The following OPCML variants were observed in gnomAD, a reference collection of about 807,000 sequenced individuals.
OPCML encodes opioid-binding protein/cell adhesion molecule.
Under a neutral mutation model 37.8 loss-of-function variants are expected in OPCML, and 13 were observed. The observed-to-expected ratio is 0.34, with a 90% CI of 0.22 to 0.55. The LOEUF (loss-of-function observed/expected upper bound fraction) is 0.55. Ranked by LOEUF, OPCML falls within the 20% of genes least tolerant of loss-of-function variation. The probability of loss-of-function intolerance (pLI) is 0.91; values close to 1 mark genes in which losing one functional copy is unlikely to be tolerated. For synonymous variants in OPCML, 176 were observed against 168.8 expected (o/e 1.04, Z -0.33); for missense variants, 341 against 435.6 (o/e 0.78, Z 1.93).
chr11:133,022,275 T>C (rs1391545736), intron 1 of OPCML, among the ~76,000 whole-genome samples: 1 of 152,238 alleles, frequency 6.6e-6, no homozygotes, highest in Admixed American at 6.5e-5. Context: ...CACACTCTTG[T>C]GAAGGGAAAC....
chr11:133,423,496 T>C (rs1565626435), intron 1 of OPCML: 12 of 985,230 alleles, frequency 1.2e-5, no homozygotes, highest in East Asian at 1.1e-4. Context: ...CAAGCAGTCA[T>C]AGAAGCTCCC....
At chr11:133,106,725 T>G (rs74897524) in intron 1 of OPCML, among the ~76,000 whole-genome samples, 1 of 152,292 alleles carries the variant, frequency 6.6e-6, no homozygotes, top group East Asian at 1.9e-4. Context: ...GTCAGCTGCT[T>G]AGGATGGGGG....
chr11:133,358,516 C>T (rs996396656), intron 1 of OPCML, among the ~76,000 whole-genome samples: 6 of 152,148 alleles, frequency 3.9e-5, no homozygotes, highest in African/African-American at 1.2e-4. Flanking sequence ...ATCTATTGAG[C>T]CCCCTTTTGT....
chr11:133,327,479 T>C (rs1321511005), intron 1 of OPCML, among the ~76,000 whole-genome samples: 2 of 151,664 alleles, frequency 1.3e-5, no homozygotes, highest in African/African-American at 4.9e-5. Flanking sequence ...GACAGGGAGG[T>C]AACAGAAAAA....
chr11:133,284,116 A>C (rs988450201), intron 1 of OPCML, among the ~76,000 whole-genome samples: 3 of 152,212 alleles, frequency 2.0e-5, no homozygotes, highest in Admixed American at 2.0e-4. Context: ...AGAATATTTC[A>C]TGTCTTTATG....
chr11:132,484,155 T>C (rs2096191254), intron 4 of OPCML, among the ~76,000 whole-genome samples: 1 of 152,162 alleles, frequency 6.6e-6, no homozygotes, highest in Non-Finnish European at 1.5e-5. Flanking sequence ...AGGAAATTTT[T>C]GCAACCTACT....
intron 1 of OPCML, among the ~76,000 whole-genome samples, chr11:133,262,475 G>A (rs993561638): frequency 1.9e-4 from 29 of 152,288 alleles, no homozygotes; most frequent in African/African-American, 6.0e-4. Context: ...TTTAACTCTC[G>A]CCATGGGATG....
chr11:132,669,655 C>A (rs570815203), intron 2 of OPCML, among the ~76,000 whole-genome samples: 22 of 152,328 alleles, frequency 1.4e-4, no homozygotes, highest in Admixed American at 3.9e-4. Context: ...TCCATCGTGA[C>A]TCACTTAAAT....
At chr11:132,855,665 C>A (rs959540320) in intron 2 of OPCML, among the ~76,000 whole-genome samples, 11 of 152,320 alleles carry the variant, frequency 7.2e-5, no homozygotes, top group African/African-American at 2.6e-4. Context: ...AGGCAGCCTT[C>A]AGATGTCTGC....
chr11:133,401,980 C>T (rs1945413946), intron 1 of OPCML, among the ~76,000 whole-genome samples: 1 of 152,090 alleles, frequency 6.6e-6, no homozygotes, highest in Non-Finnish European at 1.5e-5. Flanking sequence ...ATCAACTGGG[C>T]CGCGAGCAAG....
intron 2 of OPCML, among the ~76,000 whole-genome samples, chr11:132,911,351 C>T (rs1199388499): frequency 6.6e-6 from 1 of 152,160 alleles, no homozygotes; most frequent in African/African-American, 2.4e-5. Flanking sequence ...CCCAGAATGA[C>T]CCTGCAAACA....
rs974332348 is a variant in OPCML at position 133,532,465 on chromosome 11, A to C, written c.-141T>G. On this transcript the variant is annotated 5_prime_UTR_variant, in exon 1 of 8. Coordinates refer to ENST00000524381, the MANE Select transcript of OPCML (RefSeq NM_001012393.5). ...GAGGGAGAGAGCAGAAGAGAGAGAG[A>C]GCGCGCGAGAGATGGGAGCAGGCAG... The C allele has an allele frequency of 2.8e-5, 27 of 975,390 alleles. 1 individual carries two copies. Among genetic ancestry groups the C allele is most frequent in the Middle Eastern group, 2.2e-4 (1 of 4,452 alleles). 60.4% of individuals were successfully genotyped at this position (975,390 alleles called of 1,614,324 possible). A position where few individuals can be genotyped will look rare whatever the true frequency, so the allele number is the denominator to read the frequency against.
chr11:133,420,521 C>G (rs997808117), intron 1 of OPCML: 106 of 983,060 alleles, frequency 1.1e-4, no homozygotes, highest in Non-Finnish European at 1.3e-4. Flanking sequence ...GTGTTAACAA[C>G]TTATTCTAAT....
intron 1 of OPCML, among the ~76,000 whole-genome samples, chr11:133,341,057 T>C (rs115542540): frequency 0.017 from 2,519 of 152,244 alleles, 25 homozygotes; most frequent in African/African-American, 0.037. Context: ...AGGTGTGTAT[T>C]TATTAACTCA....
intron 1 of OPCML, among the ~76,000 whole-genome samples, chr11:133,345,300 G>A (rs183277290): frequency 1.6e-3 from 238 of 152,312 alleles, no homozygotes; most frequent in African/African-American, 5.5e-3. Context: ...TAAAAATGTG[G>A]CAGAGGCAGC....
At chr11:132,905,550 T>G (rs768320056) in intron 2 of OPCML, among the ~76,000 whole-genome samples, 2 of 152,046 alleles carry the variant, frequency 1.3e-5, no homozygotes, top group Non-Finnish European at 2.9e-5. Context: ...CAGTTCTGAC[T>G]CCAGAGCCCA....
intron 3 of OPCML, among the ~76,000 whole-genome samples, chr11:132,539,255 T>G (rs2096349319): frequency 6.6e-6 from 1 of 152,168 alleles, no homozygotes; most frequent in Non-Finnish European, 1.5e-5. Flanking sequence ...CTAGGGATTT[T>G]TTACTGGTCA....
At chr11:133,437,626 G>T (rs200374496) in intron 1 of OPCML, among the ~76,000 whole-genome samples, 2 of 135,958 alleles carry the variant, frequency 1.5e-5, no homozygotes, top group South Asian at 2.3e-4. Context: ...CTGCAACCCC[G>T]CTCACCTCTC....
intron 2 of OPCML, among the ~76,000 whole-genome samples, chr11:132,660,257 G>A (rs1941905345): frequency 1.3e-5 from 2 of 152,118 alleles, no homozygotes; most frequent in African/African-American, 4.8e-5. Context: ...CACATAAGAA[G>A]ATGGAAATGA....
Sources: allele counts gnomAD v4.1 joint callset (sites outside exome capture counted in the v4.1 genomes callset), GRCh38; gene constraint gnomAD v4.1.1; transcripts MANE v1.5; gene names NCBI Gene and HGNC (gene_info 2026-07-23, HGNC 2026-07-21).